PCDHGA3: variants seen among roughly 807,000 people sequenced by gnomAD.
The protein encoded by PCDHGA3 is protocadherin gamma-A3.
Under a neutral mutation model 58.5 loss-of-function variants are expected in PCDHGA3, and 40 were observed. The observed-to-expected ratio is 0.68, with a 90% CI of 0.53 to 0.89. PCDHGA3 has a LOEUF of 0.89. Ranked by LOEUF, PCDHGA3 falls within the 40% of genes least tolerant of loss-of-function variation. The pLI is 0.00. For missense variants in PCDHGA3, 1,223 were observed against 1,195.9 expected, an observed-to-expected ratio of 1.02 and a Z score of -0.33; for synonymous variants, 530 against 525.7, an observed-to-expected ratio of 1.01 and a Z score of -0.11.
intron 1 of PCDHGA3, chr5:141,402,874 C>T: frequency 2.7e-6 from 4 of 1,460,728 alleles, no homozygotes; most frequent in South Asian, 1.5e-5. Flanking sequence ...GATCACCATA[C>T]TTTGCAGGGT....
In PCDHGA3 at chr5:141,433,056, G is replaced by T. The variant is rs1422450948; in HGVS notation, c.2425-61751G>T. ...TCCCTCACCACGGACTCGCGGAAGA[G>T]TCACCTGATCTTCCCCCAGCCCAAC... On this transcript the variant is annotated intron_variant, in intron 1 of 3. Coordinates refer to ENST00000253812, the MANE Select transcript of PCDHGA3 (RefSeq NM_018916.4). The T allele has an allele frequency of 6.8e-6, 11 of 1,614,086 alleles. No homozygotes were observed. In the South Asian group the frequency reaches 1.1e-4, roughly 16 times the overall value.
In PCDHGA3 at chr5:141,366,583, G is replaced by C. The variant is rs369592022; in HGVS notation, c.2424+20126G>C. The C allele has an allele frequency of 3.1e-6, 5 of 1,614,138 alleles. No homozygotes were observed. In the African/African-American group the frequency reaches 5.3e-5, roughly 17 times the overall value. On this transcript the variant is annotated intron_variant, in intron 1 of 3. Coordinates refer to ENST00000253812, the MANE Select transcript of PCDHGA3 (RefSeq NM_018916.4). The stretch of plus-strand genomic sequence containing the variant: ...TGGATGGGGTTCGGGCTTTCCTGCA[G>C]ACCTATTCCCACGAGGTCTCCCTCA...
chr5:141,491,956 A>G lies in PCDHGA3; in HGVS notation c.2425-2851A>G, dbSNP rs2099735623. 1.9e-6 allele frequency: 2 copies of G among 1,035,704 alleles called. No homozygotes were observed. Among genetic ancestry groups the G allele is most frequent in the Non-Finnish European group, 2.7e-6 (2 of 749,368 alleles). The allele number at this position is 1,035,704 out of a possible 1,614,324, so 64.2% of individuals were successfully genotyped here. A position where few individuals can be genotyped will look rare whatever the true frequency, so the allele number is the denominator to read the frequency against. On this transcript the variant is annotated intron_variant, in intron 1 of 3. Transcript: ENST00000253812. This position sits in a 1 kb window ranked among gnomAD's most constrained non-coding sequence, Gnocchi z 6.9. Reference sequence around the variant, plus strand: ...GGACCGACCCCCACCCCTACACTCAAAAAAGGCCGGGGCCTCCTTCGAGCT... The same window carrying G: ...GGACCGACCCCCACCCCTACACTCAGAAAAGGCCGGGGCCTCCTTCGAGCT...
chr5:141,352,451 T>C (rs1370878930), intron 1 of PCDHGA3: 2 of 1,614,028 alleles, frequency 1.2e-6, no homozygotes, highest in South Asian at 2.2e-5. Context: ...CTGCTCCAAG[T>C]CTGGGCCCGG....
At chr5:141,488,207 TC>T (rs2099672969) in intron 1 of PCDHGA3, among the ~76,000 whole-genome samples, 1 of 152,216 alleles carries the variant, frequency 6.6e-6, no homozygotes, top group Non-Finnish European at 1.5e-5. Context: ...AGGACTCATA[TC>T]AAGTCCCTAC....
chr5:141,360,013 A>G (rs1033161220), intron 1 of PCDHGA3: 60 of 1,245,546 alleles, frequency 4.8e-5, no homozygotes, highest in Non-Finnish European at 6.2e-5. Flanking sequence ...CCAACCACAC[A>G]GAGAAGGCCA....
intron 1 of PCDHGA3, chr5:141,375,663 A>G: frequency 6.2e-7 from 1 of 1,614,108 alleles, no homozygotes; most frequent in South Asian, 1.1e-5. Context: ...CAGTTGAGAG[A>G]CCTACAGCTG....
intron 1 of PCDHGA3, chr5:141,355,579 A>C: frequency 6.2e-7 from 1 of 1,614,014 alleles, no homozygotes. Context: ...AATCGATGTT[A>C]ATGATAACCC....
At chr5:141,371,866 T>A (rs1768128471) in intron 1 of PCDHGA3, 1 of 1,613,504 alleles carries the variant, frequency 6.2e-7, no homozygotes, top group Non-Finnish European at 8.5e-7. Flanking sequence ...TCCTACTACA[T>A]CGTGGCCAGT....
At chr5:141,408,504 G>C (rs752297449) in intron 1 of PCDHGA3, 2 of 1,613,936 alleles carry the variant, frequency 1.2e-6, no homozygotes, top group Non-Finnish European at 1.7e-6. Context: ...GAGAGAAGAA[G>C]ATGTGAGTTG....
chr5:141,344,879 T>TA lies in PCDHGA3; in HGVS notation c.850dup (p.Met284AsnfsTer7). The stretch of plus-strand genomic sequence containing the variant: ...ATGCTCAAGTGTCTTATATTCTAGA[T>TA]AAAATGCCTGGGAAAATCGCTGAGA... On this transcript the variant is annotated frameshift_variant, in exon 1 of 4. Coordinates refer to ENST00000253812, the MANE Select transcript of PCDHGA3 (RefSeq NM_018916.4). LOFTEE classifies it high-confidence loss of function. The TA allele has an allele frequency of 6.2e-7, 1 of 1,613,924 alleles. No homozygotes were observed. The highest frequency in any genetic ancestry group is 8.5e-7 in the Non-Finnish European group (1 of 1,179,870).
Position 141,361,225 on chromosome 5 carries a change from A to G in PCDHGA3, c.2424+14768A>G, listed in dbSNP as rs748119164. 2.5e-6 allele frequency: 4 copies of G among 1,614,030 alleles called. No individual in the cohort carries two copies. In the Middle Eastern group the frequency reaches 4.9e-4, roughly 200 times the overall value. ...CCTACCGGAGGATTCGCCACCAGGAACAGTGATCGCCTTGATAAAAACGAG... is the reference window on the plus strand; with the variant it reads ...CCTACCGGAGGATTCGCCACCAGGAGCAGTGATCGCCTTGATAAAAACGAG... On this transcript the variant is annotated intron_variant, in intron 1 of 3. Transcript: ENST00000253812.
At position 141,431,123 on chromosome 5, in the gene PCDHGA3, GAAGT is replaced by G. The variant is rs751548736; in HGVS notation, c.2425-63680_2425-63677del. The G allele has an allele frequency of 1.2e-6, 2 of 1,614,100 alleles. No individual in the cohort carries two copies. The highest frequency in any genetic ancestry group is 3.3e-5 in the Admixed American group (2 of 60,014). On this transcript the variant is annotated intron_variant, in intron 1 of 3. Transcript: ENST00000253812. This position sits in a 1 kb window ranked among gnomAD's most constrained non-coding sequence, Gnocchi z 4.8. ...AGTGAAAATATATGGAGTAGAAGTA[GAAGT>G]AAGGGACATTAACGACAATGCGCCT... is the stretch of plus-strand genomic sequence containing the variant.
intron 1 of PCDHGA3, chr5:141,414,141 A>T (rs1162904324): frequency 1.3e-6 from 2 of 1,597,216 alleles, no homozygotes; most frequent in East Asian, 2.3e-5. Context: ...ATGAAATAGA[A>T]ATACAAGCAG....
At chr5:141,421,843 G>C (rs769652818) in intron 1 of PCDHGA3, 1 of 1,613,798 alleles carries the variant, frequency 6.2e-7, no homozygotes, top group Non-Finnish European at 8.5e-7. Context: ...CCGAGAGAAA[G>C]AGGCTGCTCA....
At chr5:141,357,738 G>A (rs896483270) in intron 1 of PCDHGA3, 2 of 1,293,792 alleles carry the variant, frequency 1.5e-6, no homozygotes, top group South Asian at 1.6e-5. Flanking sequence ...ATATTTTATT[G>A]CTTTAAAGAA....
Position 141,431,412 on chromosome 5 carries a change from GC to G in PCDHGA3, c.2425-63394del. ...CTGGTCCTTACGGCCTCCGACGGGG[GC>G]GACCCGGTGCGCACAGGCACCGCGC... On this transcript the variant is annotated intron_variant, in intron 1 of 3. Coordinates refer to ENST00000253812, the MANE Select transcript of PCDHGA3 (RefSeq NM_018916.4). The surrounding 1 kb of genome is among the most constrained non-coding windows in gnomAD (Gnocchi z 4.8). The G allele has an allele frequency of 6.2e-7, 1 of 1,613,714 alleles. No homozygotes were observed. Among genetic ancestry groups the G allele is most frequent in the Non-Finnish European group, 8.5e-7 (1 of 1,180,050 alleles).
chr5:141,390,679 C>T (rs1180129734), intron 1 of PCDHGA3: 1 of 185,884 alleles, frequency 5.4e-6, no homozygotes, highest in Non-Finnish European at 1.1e-5. Flanking sequence ...AATAATAAAG[C>T]CAAAGAATTT....
chr5:141,383,514 G>A (rs778204328), intron 1 of PCDHGA3: 2 of 1,612,718 alleles, frequency 1.2e-6, no homozygotes, highest in South Asian at 2.2e-5. Context: ...GGGAGGAAGA[G>A]CGGGTTCACC....
Sources: gnomAD v4.1 joint callset for allele counts (sites outside exome capture counted in the v4.1 genomes callset) on GRCh38, gnomAD v4.1.1 for gene constraint, Gnocchi (gnomAD v3.1) non-coding constraint, MANE v1.5 for transcripts, NCBI Gene and HGNC (gene_info 2026-07-23, HGNC 2026-07-21) for gene names.